The following FAT1 variants were observed in gnomAD, a reference collection of about 807,000 sequenced individuals.
FAT1 encodes FAT atypical cadherin 1.
A neutral mutation model predicts 329.8 loss-of-function variants in FAT1; 171 were observed. The ratio of observed to expected loss-of-function variants is 0.52; its 90% CI spans 0.46 to 0.59. The LOEUF (loss-of-function observed/expected upper bound fraction) is 0.59, where lower values mean the gene tolerates loss of function less well. Ranked by LOEUF, FAT1 falls within the 20% of genes least tolerant of loss-of-function variation. The probability of loss-of-function intolerance (pLI) is 0.00; values close to 1 mark genes in which losing one functional copy is unlikely to be tolerated. For synonymous variants in FAT1, 2,233 were observed against 2,228.6 expected (o/e 1.00, Z -0.06); for missense variants, 5,672 against 5,774.4 (o/e 0.98, Z 0.57).
chr4:186,596,604 G>A lies in FAT1; in HGVS notation c.12936C>T (p.Pro4312=), dbSNP rs3822060. The stretch of plus-strand genomic sequence containing the variant: ...CGCTGTCAGAAGGGGAGTTTGAAGG[G>A]GGTGGGGGAGGCAGGTTTGGCGCCA... The part of the protein sequence containing the change: ...CSVAPNLPPP[P]PSNSPSDSDS... The change falls in exon 25 of 27, where the codon CCC becomes CCT. Residue 4312 remains proline (P), a synonymous_variant. Coordinates refer to ENST00000441802, the MANE Select transcript of FAT1 (RefSeq NM_005245.4). The surrounding 1 kb of genome is among the most constrained non-coding windows in gnomAD (Gnocchi z 4.7). 0.04 allele frequency: 63,972 copies of A among 1,612,564 alleles called. 2,376 individuals carry two copies. The highest frequency in any genetic ancestry group is 0.18 in the East Asian group (7,961 of 44,834).
rs1743110845 is a variant in FAT1 at position 186,679,466 on chromosome 4, C to T, written c.3266-15853G>A. 2.0e-5 allele frequency among the ~76,000 whole-genome samples: 3 copies of T among 147,670 alleles called. No individual in the cohort carries two copies. The South Asian group carries it at 6.6e-4, about 32-fold the overall frequency. The stretch of plus-strand genomic sequence containing the variant: ...AAATGGGGGTTGGGGGAACCCCACA[C>T]ATCTGGTGTCAGAAGCATGTTCTGA... On this transcript the variant is annotated intron_variant, in intron 2 of 26. Transcript: ENST00000441802.
At chr4:186,597,281 G>A (rs566899991) in intron 24 of FAT1, 110 bp from the exon 25 acceptor site, 2 of 1,206,294 alleles carry the variant, frequency 1.7e-6, no homozygotes, top group East Asian at 2.6e-5. Flanking sequence ...GCTATGTGAA[G>A]ATCAAACCCA....
chr4:186,689,161 G>T lies in FAT1; in HGVS notation c.3265+17402C>A, dbSNP rs79893807. 8.4e-3 allele frequency among the ~76,000 whole-genome samples: 1,279 copies of T among 152,172 alleles called. 63 individuals carry two copies. The East Asian group carries it at 0.12, about 15-fold the overall frequency. ...CACTTCACTTGGAAATGATGGACCT[G>T]GTCTAAATAAATCTTTTGGAAAATC... On this transcript the variant is annotated intron_variant, in intron 2 of 26. Coordinates refer to ENST00000441802, the MANE Select transcript of FAT1 (RefSeq NM_005245.4).
At position 186,613,204 on chromosome 4, in the gene FAT1, G is replaced by A. The variant is rs2126475080; in HGVS notation, c.9368C>T (p.Pro3123Leu). The A allele has an allele frequency of 6.2e-7, 1 of 1,613,886 alleles. No individual in the cohort carries two copies. The highest frequency in any genetic ancestry group is 8.5e-7 in the Non-Finnish European group (1 of 1,179,854). ...GGCATAAGGATCGGCAGAGAATTCGGGGGCGTTATCGTTCACATCTTCTAG... is the reference window on the plus strand; with the variant it reads ...GGCATAAGGATCGGCAGAGAATTCGAGGGCGTTATCGTTCACATCTTCTAG... ...LTLEDVNDNA[P>L]EFSADPYAIT... is the part of the protein sequence containing the mutation. Residue 3123 changes from proline (P) to leucine (L), a missense_variant, in exon 13 of 27, where the codon CCC (proline) becomes CTC (leucine). Coordinates refer to ENST00000441802, the MANE Select transcript of FAT1 (RefSeq NM_005245.4).
At chr4:186,631,127 G>C (rs1317363247) in intron 7 of FAT1, among the ~76,000 whole-genome samples, 1 of 152,130 alleles carries the variant, frequency 6.6e-6, no homozygotes. Context: ...GGCATCTGCT[G>C]CCCCTGACCT....
chr4:186,590,410 G>A, intron 26 of FAT1: 1 of 1,289,222 alleles, frequency 7.8e-7, no homozygotes, highest in African/African-American at 1.5e-5. Context: ...GATTCTTTTG[G>A]TGGCAGAGTA....
intron 2 of FAT1, among the ~76,000 whole-genome samples, chr4:186,684,108 T>C (rs1743353054): frequency 6.6e-6 from 1 of 152,202 alleles, no homozygotes; most frequent in South Asian, 2.1e-4. Flanking sequence ...CTGAATAAAA[T>C]AAGCCAGGAT....
At position 186,596,680 on chromosome 4, in the gene FAT1, A is replaced by T. The variant is rs757371939; in HGVS notation, c.12860T>A (p.Phe4287Tyr). ...AIPEHPEFST[F>Y]NPESVHGHRK... is the part of the protein sequence containing the mutation. ...GTGCCCGTGCACAGACTCGGGGTTA[A>T]AAGTGCTGAATTCGGGATGCTCTGG... is the stretch of plus-strand genomic sequence containing the variant. Residue 4287 changes from phenylalanine to tyrosine, a missense_variant, in exon 25 of 27, where the codon TTT (phenylalanine) becomes TAT (tyrosine). By Grantham distance (22) the Phe-to-Tyr change is conservative. Transcript: ENST00000441802. This position sits in a 1 kb window ranked among gnomAD's most constrained non-coding sequence, Gnocchi z 4.7. 2.5e-6 allele frequency: 4 copies of T among 1,612,982 alleles called. No homozygotes were observed. The African/African-American group carries it at 5.3e-5, about 22-fold the overall frequency.
At position 186,620,030 on chromosome 4, in the gene FAT1, A is replaced by G. The variant is rs2126511684; in HGVS notation, c.6556T>C (p.Phe2186Leu). 6.2e-7 allele frequency: 1 copy of G among 1,614,042 alleles called. No homozygotes were observed. Among genetic ancestry groups the G allele is most frequent in the South Asian group, 1.1e-5 (1 of 91,082 alleles). Residue 2186 changes from phenylalanine to leucine, a missense_variant, in exon 10 of 27, where the codon TTC (phenylalanine) becomes CTC (leucine). By Grantham distance (22) the Phe-to-Leu change is conservative. This residue lies in a region of FAT1 where 3,966 missense variants were observed against 3,915.2 expected (regional missense o/e 1.01). Transcript: ENST00000441802. ...CTCTCTGCAATCTCTGCACTGTAGAAAGGTTTTTCAAACACAGGCATGGCT... is the reference window on the plus strand; with the variant it reads ...CTCTCTGCAATCTCTGCACTGTAGAGAGGTTTTTCAAACACAGGCATGGCT... ...NKAMPVFEKP[F>L]YSAEIAESIQ...
In FAT1 at chr4:186,603,841, C is replaced by T. The variant is rs1484600496; in HGVS notation, c.10685G>A (p.Gly3562Asp). Residue 3562 changes from glycine to aspartate, a missense_variant, in exon 19 of 27, where the codon GGC becomes GAC. Physicochemically the swap from Gly to Asp is moderately conservative, Grantham distance 94. This residue lies in a region of FAT1 where 1,706 missense variants were observed against 1,859.1 expected (regional missense o/e 0.92). Coordinates refer to ENST00000441802, the MANE Select transcript of FAT1 (RefSeq NM_005245.4). ...ITSSGEEYSG[G>D]VIGKIHATDQ... ...TGTGGCATGGATCTTCCCAATGACG[C>T]CACCTGAGTATTCTTCTCCAGAAGA... 6 of 1,613,872 alleles carry T rather than the reference C, an allele frequency of 3.7e-6. No homozygotes were observed. The highest frequency in any genetic ancestry group is 3.4e-6 in the Non-Finnish European group (4 of 1,179,878).
intron 3 of FAT1, among the ~76,000 whole-genome samples, chr4:186,648,973 C>T (rs550739886): frequency 6.6e-6 from 1 of 152,198 alleles, no homozygotes; most frequent in East Asian, 1.9e-4. Context: ...TATTCTGGAA[C>T]AAAGCATATT....
chr4:186,630,925 T>C (rs1271165873), intron 7 of FAT1, among the ~76,000 whole-genome samples: 1 of 152,186 alleles, frequency 6.6e-6, no homozygotes, highest in Non-Finnish European at 1.5e-5. Context: ...GTAAGTTACC[T>C]GGAGATACAA....
chr4:186,690,993 T>C (rs1314692016), intron 2 of FAT1, among the ~76,000 whole-genome samples: 2 of 152,228 alleles, frequency 1.3e-5, no homozygotes, highest in Non-Finnish European at 2.9e-5. Context: ...TACTAAAATA[T>C]ATAAAATTAC....
At chr4:186,718,634 T>G (rs1292308012) in intron 1 of FAT1, among the ~76,000 whole-genome samples, 1 of 152,124 alleles carries the variant, frequency 6.6e-6, no homozygotes, top group Non-Finnish European at 1.5e-5. Context: ...GCCACTGCAC[T>G]CCAGCCTGGG....
chr4:186,605,271 A>AG (rs1739055755), intron 17 of FAT1, among the ~76,000 whole-genome samples: 2 of 131,372 alleles, frequency 1.5e-5, no homozygotes, highest in African/African-American at 2.9e-5. Flanking sequence ...AGTGGGGAGG[A>AG]GAAAGAGAAG....
At chr4:186,634,994 G>A (rs993135252) in intron 6 of FAT1, among the ~76,000 whole-genome samples, 2 of 152,246 alleles carry the variant, frequency 1.3e-5, no homozygotes, top group Admixed American at 1.3e-4. Flanking sequence ...CGTTAACTAC[G>A]AAAATAGTCT....
At chr4:186,599,851 T>C (rs776968938) in intron 22 of FAT1, 47 bp downstream of exon 22, 3 of 1,408,708 alleles carry the variant, frequency 2.1e-6, no homozygotes, top group Admixed American at 2.1e-5. Context: ...TCCCCTTAAA[T>C]GTACACACGT....
chr4:186,624,542 T>G (rs1188414569), intron 9 of FAT1, among the ~76,000 whole-genome samples: 1 of 152,320 alleles, frequency 6.6e-6, no homozygotes, highest in Non-Finnish European at 1.5e-5. Flanking sequence ...TTTAAAAAGA[T>G]GTAAGAAGAA....
rs985935439 is a variant in FAT1, at chr4:186,589,009, C to T, written c.13350G>A (p.Pro4450=). Residue 4450 remains proline, a synonymous_variant, in exon 27 of 27, where the codon CCG becomes CCA. Coordinates refer to ENST00000441802, the MANE Select transcript of FAT1 (RefSeq NM_005245.4). ...EDFPAADELP[P]LPPEFSNQFE... ...ACTGATTGCTGAATTCGGGCGGTAA[C>T]GGTGGTAGCTCATCAGCTGCGGGGA... 27 of 1,613,918 alleles carry T rather than the reference C, an allele frequency of 1.7e-5. No homozygotes were observed. The highest frequency in any genetic ancestry group is 2.7e-5 in the African/African-American group (2 of 75,016).
Sources: gnomAD v4.1 joint callset for allele counts (sites outside exome capture counted in the v4.1 genomes callset) on GRCh38, gnomAD v4.1.1 for gene constraint, gnomAD v4.1.1 regional missense constraint, Gnocchi (gnomAD v3.1) non-coding constraint, MANE v1.5 for transcripts, NCBI Gene and HGNC (gene_info 2026-07-23, HGNC 2026-07-21) for gene names.